Variants in PHF24 observed in about 807,000 individuals in gnomAD.
PHF24 encodes the protein PHD finger protein 24.
A neutral mutation model predicts 42.6 loss-of-function variants in PHF24; 25 were observed. The observed-to-expected ratio is 0.59, with a 90% CI of 0.43 to 0.82. The LOEUF (loss-of-function observed/expected upper bound fraction) is 0.82. Among genes scored for constraint, PHF24 ranks in the 40% least tolerant of loss-of-function variants. The probability of loss-of-function intolerance (pLI) is 0.00; values close to 1 mark genes in which losing one functional copy is unlikely to be tolerated. For missense variants in PHF24, 470 were observed against 538.1 expected (o/e 0.87, Z 1.25); for synonymous variants, 185 against 204.8 (o/e 0.90, Z 0.83).
At chr9:34,692,692 A>G in the PHF24 span, among the ~76,000 whole-genome samples, 1 of 152,080 alleles carries the variant, frequency 6.6e-6, no homozygotes, top group East Asian at 1.9e-4. Context: ...TAGAAGATCT[A>G]CTTCTTAGGA....
At chr9:34,966,317 T>C (rs1487649554) in intron 1 of PHF24, among the ~76,000 whole-genome samples, 1 of 152,204 alleles carries the variant, frequency 6.6e-6, no homozygotes, top group Non-Finnish European at 1.5e-5. Context: ...CTGGGCACTC[T>C]GGCTGGAACC....
the PHF24 span, among the ~76,000 whole-genome samples, chr9:34,686,496 A>G: frequency 3.0e-4 from 45 of 152,306 alleles, no homozygotes; most frequent in African/African-American, 1.0e-3. Context: ...GGCTTATTTC[A>G]TGCCAGACCC....
chr9:34,880,829 A>G, the PHF24 span, among the ~76,000 whole-genome samples: 1 of 152,188 alleles, frequency 6.6e-6, no homozygotes, highest in African/African-American at 2.4e-5. Flanking sequence ...ATGTCCAGGA[A>G]TTGAACTCAG....
the PHF24 span, among the ~76,000 whole-genome samples, chr9:34,841,003 T>C: frequency 1.1e-3 from 163 of 152,110 alleles, no homozygotes; most frequent in African/African-American, 3.7e-3. Context: ...TTTTTTATTT[T>C]ATTTTTTATT....
the PHF24 span, among the ~76,000 whole-genome samples, chr9:34,766,052 G>T: frequency 2.0e-5 from 3 of 152,188 alleles, no homozygotes; most frequent in Non-Finnish European, 4.4e-5. Flanking sequence ...GGCTTGTAGA[G>T]TTTCTGCTGA....
the PHF24 span, among the ~76,000 whole-genome samples, chr9:34,925,843 G>C: frequency 6.6e-6 from 1 of 152,120 alleles, no homozygotes; most frequent in Non-Finnish European, 1.5e-5. Flanking sequence ...GAGGTGACAT[G>C]TTTTCTTGCT....
intron 1 of PHF24, among the ~76,000 whole-genome samples, chr9:34,964,928 T>C (rs1305027780): frequency 6.6e-6 from 1 of 152,188 alleles, no homozygotes; most frequent in Non-Finnish European, 1.5e-5. Context: ...TGGGACAATA[T>C]CTTTTTGGCC....
At chr9:34,882,308 A>G in the PHF24 span, among the ~76,000 whole-genome samples, 1 of 152,194 alleles carries the variant, frequency 6.6e-6, no homozygotes, top group African/African-American at 2.4e-5. Context: ...GGCACAAGAC[A>G]AGGATGCCCT....
the PHF24 span, among the ~76,000 whole-genome samples, chr9:34,798,755 G>A: frequency 6.6e-6 from 1 of 152,148 alleles, no homozygotes; most frequent in African/African-American, 2.4e-5. Context: ...TGGGCCAAAT[G>A]GTAGTTCTAT....
At chr9:34,677,572 A>G in the PHF24 span, among the ~76,000 whole-genome samples, 1 of 151,394 alleles carries the variant, frequency 6.6e-6, no homozygotes, top group Non-Finnish European at 1.5e-5. Context: ...AATTTTTTGT[A>G]TTTTTAGTAG....
the PHF24 span, among the ~76,000 whole-genome samples, chr9:34,732,687 A>G: frequency 3.9e-5 from 6 of 152,278 alleles, no homozygotes; most frequent in East Asian, 9.6e-4. Flanking sequence ...CTCCACAAAG[A>G]AATCTTTGCC....
chr9:34,964,873 G>C (rs1239137714), intron 1 of PHF24, among the ~76,000 whole-genome samples: 2 of 151,954 alleles, frequency 1.3e-5, no homozygotes, highest in African/African-American at 2.4e-5. Context: ...TTTTTTTCCA[G>C]GCCTTCCCTA....
At chr9:34,739,646 A>G in the PHF24 span, among the ~76,000 whole-genome samples, 1 of 152,112 alleles carries the variant, frequency 6.6e-6, no homozygotes, top group Non-Finnish European at 1.5e-5. Flanking sequence ...CTGGCTCAGG[A>G]GTGAAGCTGC....
chr9:34,935,480 G>A, the PHF24 span, among the ~76,000 whole-genome samples: 1 of 151,848 alleles, frequency 6.6e-6, no homozygotes, highest in Non-Finnish European at 1.5e-5. Flanking sequence ...TGTAGTCCCA[G>A]CTATTTGGAA....
chr9:34,801,748 T>C, the PHF24 span, among the ~76,000 whole-genome samples: 2 of 151,660 alleles, frequency 1.3e-5, no homozygotes, highest in African/African-American at 2.4e-5. Flanking sequence ...AATGAGATCA[T>C]GTCCTTTGCA....
At chr9:34,847,804 G>A in the PHF24 span, among the ~76,000 whole-genome samples, 1 of 151,876 alleles carries the variant, frequency 6.6e-6, no homozygotes, top group South Asian at 2.1e-4. Context: ...AGAGTTTTTA[G>A]CATGAAGCGT....
chr9:34,925,896 G>A, the PHF24 span, among the ~76,000 whole-genome samples: 17 of 152,044 alleles, frequency 1.1e-4, no homozygotes, highest in Admixed American at 8.5e-4. Flanking sequence ...TATGCCTTTG[G>A]TGGAAAAATC....
At chr9:34,729,603 G>A in the PHF24 span, 2 of 606,380 alleles carry the variant, frequency 3.3e-6, no homozygotes, top group Admixed American at 6.3e-5. Flanking sequence ...TAGTAGGGAA[G>A]CTCATGTGGT....
At chr9:34,880,111 G>T in the PHF24 span, among the ~76,000 whole-genome samples, 1 of 152,200 alleles carries the variant, frequency 6.6e-6, no homozygotes, top group Admixed American at 6.5e-5. Context: ...AGCTTCATAA[G>T]TGAAGGAGAA....
Sources: gnomAD v4.1 joint callset for allele counts (sites outside exome capture counted in the v4.1 genomes callset) on GRCh38, gnomAD v4.1.1 for gene constraint, MANE v1.5 for transcripts, NCBI Gene and HGNC (gene_info 2026-07-23, HGNC 2026-07-21) for gene names.